Variants in INO80D observed in about 807,000 individuals in gnomAD.
INO80D encodes INO80 complex subunit D.
INO80D carries 21 observed loss-of-function variants against 87.6 expected under a neutral mutation model. The ratio of observed to expected loss-of-function variants is 0.24; its 90% CI spans 0.17 to 0.35. The LOEUF (loss-of-function observed/expected upper bound fraction) is 0.35. Among genes scored for constraint, INO80D ranks in the 10% least tolerant of loss-of-function variants. The probability of loss-of-function intolerance (pLI) is 1.00; values close to 1 mark genes in which losing one functional copy is unlikely to be tolerated. For synonymous variants in INO80D, 440 were observed against 491.0 expected, an observed-to-expected ratio of 0.90 and a Z score of 1.37; for missense variants, 982 against 1,280.7, an observed-to-expected ratio of 0.77 and a Z score of 3.56.
chr2:206,006,070 T>C (rs1481741479), intron 10 of INO80D, among the ~76,000 whole-genome samples: 1 of 152,170 alleles, frequency 6.6e-6, no homozygotes, highest in African/African-American at 2.4e-5. Flanking sequence ...CGGGTTATCT[T>C]TCAAAATGCT....
intron 8 of INO80D, among the ~76,000 whole-genome samples, chr2:206,016,626 C>G (rs540729217): frequency 6.6e-6 from 1 of 152,272 alleles, no homozygotes; most frequent in Admixed American, 6.5e-5. Context: ...CAGAATGATA[C>G]GGTTTGACTC....
chr2:206,041,776 A>G (rs1223790729), intron 5 of INO80D, among the ~76,000 whole-genome samples: 2 of 152,202 alleles, frequency 1.3e-5, no homozygotes, highest in Non-Finnish European at 2.9e-5. Flanking sequence ...AGTATCTGGG[A>G]AACCCCAAAA....
chr2:206,041,188 G>C (rs1689039193), intron 5 of INO80D, among the ~76,000 whole-genome samples: 1 of 122,250 alleles, frequency 8.2e-6, no homozygotes, highest in South Asian at 3.2e-4. Context: ...AAATACAAAA[G>C]ACAGTAAATT....
At chr2:206,023,202 A>G (rs2105824260) in intron 6 of INO80D, among the ~76,000 whole-genome samples, 1 of 152,118 alleles carries the variant, frequency 6.6e-6, no homozygotes, top group Non-Finnish European at 1.5e-5. Flanking sequence ...ACTCCATCTC[A>G]AAAAACTAAA....
chr2:206,023,507 C>A (rs1482962888), intron 6 of INO80D, among the ~76,000 whole-genome samples: 1 of 151,658 alleles, frequency 6.6e-6, no homozygotes, highest in Non-Finnish European at 1.5e-5. Flanking sequence ...CATAGTGAAA[C>A]CCCGTCTCCA....
At chr2:206,033,887 T>G (rs757446897) in intron 5 of INO80D, among the ~76,000 whole-genome samples, 3 of 151,670 alleles carry the variant, frequency 2.0e-5, no homozygotes. Context: ...CCAAATAACC[T>G]CAATAAGAAA....
At chr2:206,049,427 G>A (rs142378464) in intron 4 of INO80D, among the ~76,000 whole-genome samples, 88 of 152,260 alleles carry the variant, frequency 5.8e-4, no homozygotes, top group Non-Finnish European at 1.0e-3. Context: ...TGACATTTAA[G>A]GCACCACTGA....
chr2:206,011,078 CAAAAAA>C (rs5838007), intron 8 of INO80D, among the ~76,000 whole-genome samples: 1 of 95,686 alleles, frequency 1.0e-5, no homozygotes, highest in Non-Finnish European at 2.0e-5. Context: ...AACTCAGTCT[CAAAAAA>C]AAAAAAAAAA....
chr2:205,995,100 G>C lies in INO80D; in HGVS notation c.*9268C>G, dbSNP rs1340242071. The stretch of plus-strand genomic sequence containing the variant: ...AATCATTATTTATTAATGAAAGGAG[G>C]AGGCAAATTGGTGAATTAAGTTGAT... On this transcript the variant is annotated 3_prime_UTR_variant, in exon 11 of 11. Coordinates refer to ENST00000403263, the MANE Select transcript of INO80D (RefSeq NM_017759.5). 6.6e-6 allele frequency: 1 copy of C among 152,184 alleles called. No homozygotes were observed. Among genetic ancestry groups the C allele is most frequent in the African/African-American group, 2.4e-5 (1 of 41,442 alleles). The allele number at this position is 152,184 out of a possible 1,614,324, so 9.4% of individuals were successfully genotyped here. A position where few individuals can be genotyped will look rare whatever the true frequency, so the allele number is the denominator to read the frequency against.
intron 8 of INO80D, 72 bp downstream of exon 8, chr2:206,017,608 G>T: frequency 1.6e-6 from 2 of 1,266,732 alleles, no homozygotes; most frequent in Non-Finnish European, 2.1e-6. Context: ...TACATAGTTT[G>T]TGCTAAGTTA....
intron 1 of INO80D, among the ~76,000 whole-genome samples, chr2:206,080,633 C>T (rs1304823652): frequency 1.3e-5 from 2 of 151,972 alleles, no homozygotes; most frequent in East Asian, 3.9e-4. Flanking sequence ...TCTGGCCGGG[C>T]GCGGTGGCTC....
chr2:206,032,785 T>A (rs1255298551), intron 5 of INO80D, among the ~76,000 whole-genome samples: 2 of 150,718 alleles, frequency 1.3e-5, no homozygotes, highest in Non-Finnish European at 3.0e-5. Flanking sequence ...GAATTCACCA[T>A]GACCAAACCA....
At chr2:206,046,200 C>CAT (rs746914522) in intron 5 of INO80D, among the ~76,000 whole-genome samples, 1 of 152,042 alleles carries the variant, frequency 6.6e-6, no homozygotes, top group African/African-American at 2.4e-5. Context: ...AAAGTATCAG[C>CAT]ATATATAGTG....
rs1687926161 is a variant in INO80D, at chr2:206,002,683, C to T, written c.*1685G>A. 1 of 152,144 alleles carries T rather than the reference C, an allele frequency of 6.6e-6. No individual in the cohort carries two copies. Among genetic ancestry groups the T allele is most frequent in the African/African-American group, 2.4e-5 (1 of 41,432 alleles). 9.4% of individuals were successfully genotyped at this position (152,144 alleles called of 1,614,324 possible). A position where few individuals can be genotyped will look rare whatever the true frequency, so the allele number is the denominator to read the frequency against. ...TTTCAAAAGAAGGGACTGGTTAGAA[C>T]TAGCATGGCATAAAGAGATTACATA... On this transcript the variant is annotated 3_prime_UTR_variant, in exon 11 of 11. Coordinates refer to ENST00000403263, the MANE Select transcript of INO80D (RefSeq NM_017759.5).
intron 1 of INO80D, among the ~76,000 whole-genome samples, chr2:206,075,401 C>A (rs906017480): frequency 6.6e-6 from 1 of 151,764 alleles, no homozygotes; most frequent in Non-Finnish European, 1.5e-5. Context: ...TATATCCTAC[C>A]ACTTTTAAAG....
At chr2:206,040,676 C>T (rs541430525) in intron 5 of INO80D, 57 of 228,466 alleles carry the variant, frequency 2.5e-4, no homozygotes, top group African/African-American at 1.2e-4. Context: ...AATCATCTTA[C>T]GCCTACAGTG....
chr2:206,007,065 T>C (rs970954603), intron 10 of INO80D, among the ~76,000 whole-genome samples: 5 of 151,998 alleles, frequency 3.3e-5, no homozygotes, highest in Non-Finnish European at 5.9e-5. Context: ...AAGAAACAAG[T>C]TATAAACCTA....
Position 206,002,983 on chromosome 2 carries a change from A to G in INO80D, c.*1385T>C, listed in dbSNP as rs1053724930. Reference sequence around the variant, plus strand: ...AAAAGGTAGGCAAGAAACCTCACAAATTCATCTCATAGTCACAAACTTCCT... The same window carrying G: ...AAAAGGTAGGCAAGAAACCTCACAAGTTCATCTCATAGTCACAAACTTCCT... On this transcript the variant is annotated 3_prime_UTR_variant, in exon 11 of 11. Transcript: ENST00000403263. 7 of 152,096 alleles carry G rather than the reference A, an allele frequency of 4.6e-5. No homozygotes were observed. Among genetic ancestry groups the G allele is most frequent in the Non-Finnish European group, 1.0e-4 (7 of 68,000 alleles). The allele number at this position is 152,096 out of a possible 1,614,324, so 9.4% of individuals were successfully genotyped here. A position where few individuals can be genotyped will look rare whatever the true frequency, so the allele number is the denominator to read the frequency against.
rs572839268 is a variant in INO80D, at chr2:206,030,908, AAG to A, written c.1074-2575_1074-2574del. ...AAAAAATTACTGTAAATCTCCAGCA[AAG>A]AGATAACAAGGATCCATGCTAGGAT... is the stretch of plus-strand genomic sequence containing the variant. On this transcript the variant is annotated intron_variant, in intron 5 of 10. Coordinates refer to ENST00000403263, the MANE Select transcript of INO80D (RefSeq NM_017759.5). Among the ~76,000 whole-genome samples the A allele has an allele frequency of 1.1e-4, 17 of 152,288 alleles. No individual in the cohort carries two copies. In the South Asian group the frequency reaches 3.3e-3, roughly 30 times the overall value.
Sources: allele counts gnomAD v4.1 joint callset (sites outside exome capture counted in the v4.1 genomes callset), GRCh38; gene constraint gnomAD v4.1.1; transcripts MANE v1.5; gene names NCBI Gene and HGNC (gene_info 2026-07-23, HGNC 2026-07-21).